The following ANKRD30B variants were observed in gnomAD, a reference collection of about 807,000 sequenced individuals.
ANKRD30B encodes the protein ankyrin repeat domain-containing protein 30B.
In ANKRD30B, 144 loss-of-function variants were observed where a neutral mutation model predicts 202.2. The ratio of observed to expected loss-of-function variants is 0.71; its 90% CI spans 0.62 to 0.82. The LOEUF (loss-of-function observed/expected upper bound fraction) is 0.82. ANKRD30B is among the 40% of genes least tolerant of loss of function. The pLI is 0.00. For missense variants in ANKRD30B, 1,487 were observed against 1,669.1 expected (o/e 0.89, Z 1.90); for synonymous variants, 508 against 561.3 (o/e 0.91, Z 1.34).
the ANKRD30B span, among the ~76,000 whole-genome samples, chr18:14,908,326 C>CT: frequency 6.6e-6 from 1 of 152,196 alleles, no homozygotes; most frequent in Non-Finnish European, 1.5e-5. Flanking sequence ...TTTAACTCCT[C>CT]TACAGATGCA....
chr18:14,919,296 G>A, the ANKRD30B span, among the ~76,000 whole-genome samples: 1 of 152,186 alleles, frequency 6.6e-6, no homozygotes, highest in Non-Finnish European at 1.5e-5. Context: ...ACCCGCATTT[G>A]GTAGGCCTGA....
Position 14,790,697 on chromosome 18 carries a change from G to A in ANKRD30B, c.1735-704G>A, listed in dbSNP as rs542488126. Among the ~76,000 whole-genome samples the A allele has an allele frequency of 4.6e-3, 700 of 152,140 alleles. 4 individuals carry two copies. Among genetic ancestry groups the A allele is most frequent in the African/African-American group, 0.016 (664 of 41,492 alleles). On this transcript the variant is annotated intron_variant, in intron 15 of 43. Transcript: ENST00000690538. ...GTTTATATGCTGGATTACATTTATT[G>A]ATTTGCGTATATTGAACCAGCCTTG...
intron 39 of ANKRD30B, among the ~76,000 whole-genome samples, chr18:14,843,594 G>GTGTGT (rs1971513173): frequency 9.8e-6 from 1 of 102,072 alleles, no homozygotes; most frequent in Admixed American, 1.0e-4. Context: ...TGTGTGTGTG[G>GTGTGT]TGTGCACGTT....
At chr18:14,785,970 G>A (rs1968055673) in intron 14 of ANKRD30B, among the ~76,000 whole-genome samples, 1 of 150,504 alleles carries the variant, frequency 6.6e-6, no homozygotes. Context: ...CCCAGGAAGC[G>A]GAGCTTGCAG....
intron 26 of ANKRD30B, 144 bp downstream of exon 26, chr18:14,808,888 TG>T (rs1969729032): frequency 1.3e-6 from 1 of 757,530 alleles, no homozygotes; most frequent in Non-Finnish European, 2.1e-6. Context: ...TTAGTATTTA[TG>T]TTTGAGAAAA....
chr18:14,881,295 G>C, the ANKRD30B span, among the ~76,000 whole-genome samples: 5 of 152,130 alleles, frequency 3.3e-5, no homozygotes, highest in African/African-American at 1.2e-4. Context: ...TAATCATAAA[G>C]CAATGCTAGA....
the ANKRD30B span, among the ~76,000 whole-genome samples, chr18:14,904,417 G>T: frequency 5.9e-5 from 9 of 152,220 alleles, no homozygotes; most frequent in South Asian, 1.9e-3. Flanking sequence ...AGTTTTGGGG[G>T]ACTGTTCTAT....
chr18:14,750,147 T>A (rs1286082658), intron 1 of ANKRD30B, among the ~76,000 whole-genome samples: 1 of 152,122 alleles, frequency 6.6e-6, no homozygotes, highest in East Asian at 1.9e-4. Flanking sequence ...AAAGGCAGCA[T>A]ACTTGTAAAA....
intron 11 of ANKRD30B, among the ~76,000 whole-genome samples, chr18:14,781,745 T>C (rs1967767558): frequency 6.6e-6 from 1 of 152,148 alleles, no homozygotes; most frequent in Admixed American, 6.5e-5. Flanking sequence ...AGTGTCCGTG[T>C]GGCTTACAGA....
the ANKRD30B span, among the ~76,000 whole-genome samples, chr18:14,935,360 C>T: frequency 6.6e-6 from 1 of 152,194 alleles, no homozygotes; most frequent in Non-Finnish European, 1.5e-5. Flanking sequence ...CAGCCCTGGG[C>T]CTTTTGTGGC....
the ANKRD30B span, among the ~76,000 whole-genome samples, chr18:14,868,675 C>T: frequency 6.6e-6 from 1 of 152,270 alleles, no homozygotes. Flanking sequence ...AGACCGGTAT[C>T]ACTTGTATCA....
chr18:14,860,023 G>T, the ANKRD30B span, among the ~76,000 whole-genome samples: 1 of 140,428 alleles, frequency 7.1e-6, no homozygotes, highest in Non-Finnish European at 1.5e-5. Context: ...GGGCAGAGGC[G>T]CTCCTCACAA....
chr18:14,934,270 C>A, the ANKRD30B span, among the ~76,000 whole-genome samples: 6 of 152,222 alleles, frequency 3.9e-5, no homozygotes, highest in Admixed American at 3.3e-4. Flanking sequence ...TGGGCAGGGG[C>A]GTGTCAGTGC....
intron 36 of ANKRD30B, among the ~76,000 whole-genome samples, chr18:14,839,811 T>C (rs1047197273): frequency 1.3e-5 from 2 of 152,308 alleles, no homozygotes; most frequent in Admixed American, 6.5e-5. Context: ...TTTAACAGAG[T>C]TCTGTTCCTA....
chr18:14,864,388 A>G, the ANKRD30B span, among the ~76,000 whole-genome samples: 2 of 152,116 alleles, frequency 1.3e-5, no homozygotes, highest in South Asian at 2.1e-4. Flanking sequence ...CTGAAATCAT[A>G]TCAATTATTT....
chr18:14,873,901 T>G, the ANKRD30B span, among the ~76,000 whole-genome samples: 1 of 152,156 alleles, frequency 6.6e-6, no homozygotes, highest in Non-Finnish European at 1.5e-5. Context: ...TAGGGAGATG[T>G]ACCTCCCTCC....
the ANKRD30B span, among the ~76,000 whole-genome samples, chr18:14,939,823 C>G: frequency 3.3e-5 from 5 of 152,216 alleles, no homozygotes; most frequent in Non-Finnish European, 5.9e-5. Context: ...CCAGATGCCA[C>G]CAGGCATAGC....
the ANKRD30B span, among the ~76,000 whole-genome samples, chr18:14,873,966 C>T: frequency 6.6e-6 from 1 of 152,230 alleles, no homozygotes; most frequent in South Asian, 2.1e-4. Flanking sequence ...GCATGGCAAG[C>T]TTTGTATGTG....
intron 36 of ANKRD30B, among the ~76,000 whole-genome samples, chr18:14,837,992 G>A (rs1971255339): frequency 6.6e-6 from 1 of 151,988 alleles, no homozygotes; most frequent in African/African-American, 2.4e-5. Flanking sequence ...TTCCAGCATG[G>A]GCAACAGAGC....
Sources: allele counts gnomAD v4.1 joint callset (sites outside exome capture counted in the v4.1 genomes callset), GRCh38; gene constraint gnomAD v4.1.1; transcripts MANE v1.5; gene names NCBI Gene and HGNC (gene_info 2026-07-23, HGNC 2026-07-21).